Variants in FUT8 observed in about 807,000 individuals in gnomAD.
The protein encoded by FUT8 is alpha-(1,6)-fucosyltransferase.
In FUT8, 29 loss-of-function variants were observed where a neutral mutation model predicts 71.3. That is an observed-to-expected ratio of 0.41 (90% CI 0.30 to 0.55). The LOEUF (loss-of-function observed/expected upper bound fraction) is 0.55. Ranked by LOEUF, FUT8 falls within the 20% of genes least tolerant of loss-of-function variation. The pLI is 0.34. For synonymous variants in FUT8, 254 were observed against 239.3 expected (o/e 1.06, Z -0.57); for missense variants, 544 against 702.1 (o/e 0.77, Z 2.55).
intron 1 of FUT8, among the ~76,000 whole-genome samples, chr14:65,438,338 A>G (rs1354303243): frequency 2.0e-5 from 3 of 152,174 alleles, no homozygotes; most frequent in Non-Finnish European, 4.4e-5. Context: ...AGAGGGCCCA[A>G]TTGCCACTTG....
intron 7 of FUT8, among the ~76,000 whole-genome samples, chr14:65,695,679 T>A (rs990173972): frequency 1.3e-5 from 2 of 152,048 alleles, no homozygotes; most frequent in Non-Finnish European, 2.9e-5. Context: ...CTTTTTTTTT[T>A]AAATCCACTT....
chr14:65,409,848 T>C (rs2065104197), upstream of FUT8, among the ~76,000 whole-genome samples: 1 of 152,250 alleles, frequency 6.6e-6, no homozygotes, highest in Non-Finnish European at 1.5e-5. This position sits in a 1 kb window ranked among gnomAD's most constrained non-coding sequence, Gnocchi z 5.4. Context: ...AATCTTTTGT[T>C]GAACAGAACT....
In FUT8 at chr14:65,414,428, A is replaced by C. The variant is rs375660906; in HGVS notation, c.-326+1214A>C. Among the ~76,000 whole-genome samples, 19 of 152,364 alleles carry C rather than the reference A, an allele frequency of 1.2e-4. 3 individuals carry two copies. The highest frequency in any genetic ancestry group is 4.3e-4 in the African/African-American group (18 of 41,586). ...TTATTTAAGCACTACAGTATATCAGATATATGAGAAATAATGGAGTTGTAG... is the reference window on the plus strand; with the variant it reads ...TTATTTAAGCACTACAGTATATCAGCTATATGAGAAATAATGGAGTTGTAG... On this transcript the variant is annotated intron_variant, in intron 1 of 10. Coordinates refer to ENST00000673929, the MANE Select transcript of FUT8 (RefSeq NM_001371533.1).
chr14:65,656,320 A>T (rs1200878123), intron 6 of FUT8, among the ~76,000 whole-genome samples: 1 of 151,820 alleles, frequency 6.6e-6, no homozygotes, highest in Non-Finnish European at 1.5e-5. Context: ...CACAAATATC[A>T]GTATTGTTTC....
At chr14:65,666,112 AAAGAG>A (rs1278788588) in intron 6 of FUT8, among the ~76,000 whole-genome samples, 2 of 152,184 alleles carry the variant, frequency 1.3e-5, no homozygotes, top group Non-Finnish European at 2.9e-5. Context: ...CAATGTTAAA[AAAGAG>A]AAGTGAAAGA....
chr14:65,567,207 G>T (rs1886242535), intron 3 of FUT8, among the ~76,000 whole-genome samples: 2 of 151,958 alleles, frequency 1.3e-5, no homozygotes, highest in Non-Finnish European at 2.9e-5. Flanking sequence ...GAAAGGAGAA[G>T]AGATTTCTTC....
At position 65,457,296 on chromosome 14, in the gene FUT8, T is replaced by G. The variant is rs558056945; in HGVS notation, c.-228+1578T>G. ...TTGCATTTCTTTTTTAAAATGTTAT[T>G]AAAACATAATGAGAACACAATTTAA... On this transcript the variant is annotated intron_variant, in intron 2 of 10. Transcript: ENST00000673929. Among the ~76,000 whole-genome samples, 9 of 152,312 alleles carry G rather than the reference T, an allele frequency of 5.9e-5. No homozygotes were observed. The South Asian group carries it at 1.7e-3, about 28-fold the overall frequency.
At chr14:65,433,657 A>G (rs958968298) in intron 1 of FUT8, among the ~76,000 whole-genome samples, 1 of 152,226 alleles carries the variant, frequency 6.6e-6, no homozygotes, top group African/African-American at 2.4e-5. Flanking sequence ...AAAACCTGAT[A>G]TAATTTGCAT....
At chr14:65,633,121 T>G (rs1471764392) in intron 6 of FUT8, among the ~76,000 whole-genome samples, 1 of 151,242 alleles carries the variant, frequency 6.6e-6, no homozygotes, top group Middle Eastern at 3.2e-3. Flanking sequence ...CCTCCCTGCC[T>G]GATTCTCCTG....
chr14:65,588,415 C>T (rs1887505264), intron 3 of FUT8, among the ~76,000 whole-genome samples: 1 of 152,178 alleles, frequency 6.6e-6, no homozygotes, highest in East Asian at 1.9e-4. Flanking sequence ...ATGGTCTAAA[C>T]TCTCATACCA....
At chr14:65,519,397 A>G (rs981064426) in intron 2 of FUT8, among the ~76,000 whole-genome samples, 1 of 152,266 alleles carries the variant, frequency 6.6e-6, no homozygotes, top group African/African-American at 2.4e-5. Flanking sequence ...GATGTATGGA[A>G]TGATTCCTTT....
intron 2 of FUT8, among the ~76,000 whole-genome samples, chr14:65,480,426 C>T (rs1449100865): frequency 6.6e-6 from 1 of 151,442 alleles, no homozygotes. Context: ...GGTGATCCTC[C>T]CACCTCAGCC....
In FUT8 at chr14:65,638,297, C is replaced by T. The variant is rs1890664451; in HGVS notation, c.597+8691C>T. Among the ~76,000 whole-genome samples, 1 of 152,148 alleles carries T rather than the reference C, an allele frequency of 6.6e-6. No homozygotes were observed. The highest frequency in any genetic ancestry group is 1.5e-5 in the Non-Finnish European group (1 of 68,026). On this transcript the variant is annotated intron_variant, in intron 6 of 10. Coordinates refer to ENST00000673929, the MANE Select transcript of FUT8 (RefSeq NM_001371533.1). This position sits in a 1 kb window ranked among gnomAD's most constrained non-coding sequence, Gnocchi z 4.5. The stretch of plus-strand genomic sequence containing the variant: ...CTGAGCTCAAGCAGTCCTCCTGCCT[C>T]AGCTTCCCAAAGTGTTGCAATCACA...
intron 7 of FUT8, among the ~76,000 whole-genome samples, chr14:65,689,407 T>C (rs1893463321): frequency 6.6e-6 from 1 of 152,250 alleles, no homozygotes; most frequent in African/African-American, 2.4e-5. Context: ...AAAGAGTTCT[T>C]ATATATTTTG....
chr14:65,501,281 A>G (rs2139769808), intron 2 of FUT8, among the ~76,000 whole-genome samples: 1 of 152,346 alleles, frequency 6.6e-6, no homozygotes, highest in East Asian at 1.9e-4. Flanking sequence ...TTATACAGGT[A>G]TTGGAGGGCT....
intron 2 of FUT8, among the ~76,000 whole-genome samples, chr14:65,469,980 A>C (rs2066112967): frequency 6.6e-6 from 1 of 152,110 alleles, no homozygotes; most frequent in South Asian, 2.1e-4. Context: ...GGTGGGGTCT[A>C]TCTGGGGACG....
At chr14:65,644,569 G>T (rs1712688199) in intron 6 of FUT8, among the ~76,000 whole-genome samples, 1 of 151,906 alleles carries the variant, frequency 6.6e-6, no homozygotes, top group Non-Finnish European at 1.5e-5. Flanking sequence ...CACCGTGTTA[G>T]CCAGGATGGT....
At chr14:65,676,112 T>C (rs545141471) in intron 7 of FUT8, among the ~76,000 whole-genome samples, 2 of 152,340 alleles carry the variant, frequency 1.3e-5, no homozygotes, top group Admixed American at 6.5e-5. Context: ...TATTAAACTG[T>C]AGATTTTGTT....
chr14:65,736,154 G>GA (rs1291370529), intron 10 of FUT8, among the ~76,000 whole-genome samples: 2 of 151,920 alleles, frequency 1.3e-5, no homozygotes, highest in Admixed American at 6.6e-5. Context: ...TTCTACATGT[G>GA]AAAAAATAAT....
Sources: allele counts gnomAD v4.1 joint callset (sites outside exome capture counted in the v4.1 genomes callset), GRCh38; gene constraint gnomAD v4.1.1; non-coding constraint Gnocchi (gnomAD v3.1); transcripts MANE v1.5; gene names NCBI Gene and HGNC (gene_info 2026-07-23, HGNC 2026-07-21).